NALF2: variants seen among roughly 807,000 people sequenced by gnomAD.
The protein encoded by NALF2 is NALCN channel auxiliary factor 2, also known as bB57D9.1 (TED protein).
NALF2 carries 1 observed loss-of-function variant against 24.8 expected under a neutral mutation model. The ratio of observed to expected loss-of-function variants is 0.04; its 90% CI spans 0.01 to 0.19. The LOEUF is 0.19. Ranked by LOEUF, NALF2 falls within the 10% of genes least tolerant of loss-of-function variation. The probability of loss-of-function intolerance (pLI) is 1.00; values close to 1 mark genes in which losing one functional copy is unlikely to be tolerated. For synonymous variants in NALF2, 254 were observed against 189.8 expected (o/e 1.34, Z -2.78); for missense variants, 458 against 409.6 (o/e 1.12, Z -1.02).
At chrX:69,511,512 A>G (rs772551596) in intron 1 of NALF2, among the ~76,000 whole-genome samples, 8 of 111,841 alleles carry the variant, frequency 7.2e-5, no homozygotes, top group Admixed American at 3.8e-4. Flanking sequence ...ACACACAGAC[A>G]CACATTCATA....
Position 69,518,130 on chromosome X carries a change from G to A in NALF2, c.862-10863G>A, listed in dbSNP as rs1930688021. On this transcript the variant is annotated intron_variant, in intron 1 of 2. Transcript: ENST00000252338. Reference sequence around the variant, plus strand: ...CCCTCGTCTCATCTTAGTCCTCTGTGTGGCTATGGGACCCCTCATTAGCTC... The same window carrying A: ...CCCTCGTCTCATCTTAGTCCTCTGTATGGCTATGGGACCCCTCATTAGCTC... Among the ~76,000 whole-genome samples the A allele has an allele frequency of 2.7e-5, 3 of 111,651 alleles. No individual in the cohort carries two copies. In the Admixed American group the frequency reaches 2.8e-4, roughly 11 times the overall value.
Position 69,530,231 on chromosome X carries a change from AAGGG to A in NALF2, c.*279_*282del. On this transcript the variant is annotated 3_prime_UTR_variant, in exon 3 of 3. Coordinates refer to ENST00000252338, the MANE Select transcript of NALF2 (RefSeq NM_015686.3). ...TCCCATCTATGGGGCTTAGCAAAAAAAGGGAGGAAGTGGGGGCTGGATATGCCCA... is the reference window on the plus strand; with the variant it reads ...TCCCATCTATGGGGCTTAGCAAAAAAAGGAAGTGGGGGCTGGATATGCCCA... The A allele has an allele frequency of 3.4e-6, 1 of 290,674 alleles. No homozygotes were observed. The allele number at this position is 290,674 out of a possible 1,213,427, so 24.0% of individuals were successfully genotyped here. A position where few individuals can be genotyped will look rare whatever the true frequency, so the allele number is the denominator to read the frequency against.
In NALF2 at chrX:69,505,169, G is replaced by C. The variant is rs1930437851; in HGVS notation, c.-114G>C. Reference sequence around the variant, plus strand: ...CGGCCTGCCTCACCATGCAGCCCCCGAGGTAGAGCCTGGACGGCGCCGAGG... The same window carrying C: ...CGGCCTGCCTCACCATGCAGCCCCCCAGGTAGAGCCTGGACGGCGCCGAGG... On this transcript the variant is annotated 5_prime_UTR_variant, in exon 1 of 3. Coordinates refer to ENST00000252338, the MANE Select transcript of NALF2 (RefSeq NM_015686.3). 1.3e-6 allele frequency: 1 copy of C among 755,498 alleles called. No homozygotes were observed. The allele number at this position is 755,498 out of a possible 1,213,427, so 62.3% of individuals were successfully genotyped here. A position where few individuals can be genotyped will look rare whatever the true frequency, so the allele number is the denominator to read the frequency against.
chrX:69,528,398 A>G (rs1343997592), intron 1 of NALF2, among the ~76,000 whole-genome samples: 74 of 111,865 alleles, frequency 6.6e-4, no homozygotes, highest in Non-Finnish European at 1.7e-4. Context: ...TTGCCTGGTA[A>G]GGCAGGTTCC....
At position 69,505,496 on chromosome X, in the gene NALF2, A is replaced by AGGGACCGGGCCC. The variant is rs1930450997; in HGVS notation, c.218_219insCCGGGCCCGGGA (p.Arg72_Glu73insAspArgAlaArg). 5.1e-5 allele frequency: 55 copies of AGGGACCGGGCCC among 1,079,560 alleles called. No homozygotes were observed. Among genetic ancestry groups the AGGGACCGGGCCC allele is most frequent in the Non-Finnish European group, 6.2e-5 (52 of 836,152 alleles). The allele number at this position is 1,079,560 out of a possible 1,213,427, so 89.0% of individuals were successfully genotyped here. Reference sequence around the variant, plus strand: ...GTGCGCGGGGGCCCGGCCCCGGGCCAGGGAGCTGAGCAGCGCCATGCGGCC... The same window carrying AGGGACCGGGCCC: ...GTGCGCGGGGGCCCGGCCCCGGGCCAGGGACCGGGCCCGGGAGCTGAGCAGCGCCATGCGGCC... On this transcript the variant is annotated inframe_insertion, in exon 1 of 3. Transcript: ENST00000252338.
chrX:69,505,996 G>C lies in NALF2; in HGVS notation c.714G>C (p.Gly238=), dbSNP rs773625287. Residue 238 remains glycine (G), a synonymous_variant, in exon 1 of 3, where the codon GGG becomes GGC. Coordinates refer to ENST00000252338, the MANE Select transcript of NALF2 (RefSeq NM_015686.3). ...LLAVVASPGS[G]AWEACSNCIE... ...CCGTGGTGGCCAGCCCGGGCTCCGG[G>C]GCCTGGGAGGCGTGTAGCAACTGTA... 8 of 1,209,916 alleles carry C rather than the reference G, an allele frequency of 6.6e-6. No individual in the cohort carries two copies. Among genetic ancestry groups the C allele is most frequent in the Non-Finnish European group, 8.9e-6 (8 of 895,078 alleles).
In NALF2 at chrX:69,532,499, T is replaced by A. The variant is rs1024293675; in HGVS notation, c.*2543T>A. ...CCCATAAAGAAATAAATGGTAAGAC[T>A]TGATGATAACCCTCCCTTCATGGCT... On this transcript the variant is annotated 3_prime_UTR_variant, in exon 3 of 3. Coordinates refer to ENST00000252338, the MANE Select transcript of NALF2 (RefSeq NM_015686.3). 2 of 111,861 alleles carry A rather than the reference T, an allele frequency of 1.8e-5. No homozygotes were observed. Among genetic ancestry groups the A allele is most frequent in the Non-Finnish European group, 3.8e-5 (2 of 53,201 alleles). The allele number at this position is 111,861 out of a possible 1,213,427, so 9.2% of individuals were successfully genotyped here.
chrX:69,526,736 T>G (rs1384299513), intron 1 of NALF2, among the ~76,000 whole-genome samples: 1 of 109,915 alleles, frequency 9.1e-6, no homozygotes, highest in Non-Finnish European at 1.9e-5. Context: ...ACCTGAAAAG[T>G]GAGAATGACC....
intron 1 of NALF2, among the ~76,000 whole-genome samples, chrX:69,523,563 C>T (rs1197045235): frequency 3.6e-5 from 4 of 111,674 alleles, no homozygotes; most frequent in Non-Finnish European, 5.7e-5. Flanking sequence ...TTGGTGTTCC[C>T]TCTAGTTATT....
intron 1 of NALF2, among the ~76,000 whole-genome samples, chrX:69,525,808 C>T (rs1335708238): frequency 1.9e-5 from 2 of 107,790 alleles, no homozygotes; most frequent in Admixed American, 2.0e-4. Context: ...ACTATTCCTA[C>T]CATTCCTTAC....
chrX:69,515,073 T>C (rs1930643408), intron 1 of NALF2, among the ~76,000 whole-genome samples: 1 of 112,536 alleles, frequency 8.9e-6, no homozygotes, highest in African/African-American at 3.2e-5. Flanking sequence ...AGAACGATTC[T>C]TTTTTACGAA....
chrX:69,505,290 G>C lies in NALF2; in HGVS notation c.8G>C (p.Arg3Thr), dbSNP rs1930443321. The change falls in exon 1 of 3, where the codon AGG (arginine) becomes ACG (threonine). Residue 3 changes from arginine to threonine, a missense_variant. Physicochemically the swap from Arg to Thr is moderately conservative, Grantham distance 71 (BLOSUM62 -1). Coordinates refer to ENST00000252338, the MANE Select transcript of NALF2 (RefSeq NM_015686.3). ...CCCGGACCCCCCTGAAATATGTTCA[G>C]GGGCGCTTGGATGTGGCCCGGGAAA... MF[R>T]GAWMWPGKDA... is the part of the protein sequence containing the mutation. 3.5e-6 allele frequency: 4 copies of C among 1,153,866 alleles called. No individual in the cohort carries two copies. Among genetic ancestry groups the C allele is most frequent in the Non-Finnish European group, 4.6e-6 (4 of 867,032 alleles).
In NALF2 at chrX:69,532,274, T is replaced by C. The variant is rs1158345500; in HGVS notation, c.*2318T>C. On this transcript the variant is annotated 3_prime_UTR_variant, in exon 3 of 3. Coordinates refer to ENST00000252338, the MANE Select transcript of NALF2 (RefSeq NM_015686.3). ...ACACTGTGCTTCATGAGTAGGACTT[T>C]CTTGCACTAGTTCCTATGACTGAGT... The C allele has an allele frequency of 8.9e-6, 1 of 112,514 alleles. No individual in the cohort carries two copies. The highest frequency in any genetic ancestry group is 1.9e-5 in the Non-Finnish European group (1 of 53,206). The allele number at this position is 112,514 out of a possible 1,213,427, so 9.3% of individuals were successfully genotyped here.
chrX:69,510,427 A>T (rs989877445), intron 1 of NALF2, among the ~76,000 whole-genome samples: 1 of 112,307 alleles, frequency 8.9e-6, no homozygotes, highest in Non-Finnish European at 1.9e-5. Context: ...TTTCCTGCCA[A>T]GCAGGACTCC....
chrX:69,506,447 T>A (rs941004188), intron 1 of NALF2, among the ~76,000 whole-genome samples: 4 of 112,926 alleles, frequency 3.5e-5, no homozygotes, highest in African/African-American at 1.3e-4. Flanking sequence ...GACAATGAGG[T>A]GGCAGGAGGG....
At chrX:69,526,763 A>T (rs908951341) in intron 1 of NALF2, among the ~76,000 whole-genome samples, 3 of 111,406 alleles carry the variant, frequency 2.7e-5, no homozygotes, top group Non-Finnish European at 5.7e-5. Context: ...TGTCAAGAGT[A>T]GGGGGAAGAG....
chrX:69,523,336 T>G (rs1481839746), intron 1 of NALF2, among the ~76,000 whole-genome samples: 1 of 112,126 alleles, frequency 8.9e-6, no homozygotes, highest in African/African-American at 3.2e-5. Flanking sequence ...TGTAAAAGTC[T>G]TCTTTCTAGA....
At chrX:69,507,416 C>T (rs1162226127) in intron 1 of NALF2, among the ~76,000 whole-genome samples, 1 of 111,205 alleles carries the variant, frequency 9.0e-6, no homozygotes, top group Non-Finnish European at 1.9e-5. Flanking sequence ...CTAGCAGTCT[C>T]CCTCCCGCCT....
intron 1 of NALF2, among the ~76,000 whole-genome samples, chrX:69,510,712 C>T (rs2147710586): frequency 8.9e-6 from 1 of 111,970 alleles, no homozygotes; most frequent in South Asian, 3.8e-4. Flanking sequence ...TCCAGATCCA[C>T]AGAAGCTCAT....
Sources: allele counts gnomAD v4.1 joint callset (sites outside exome capture counted in the v4.1 genomes callset), GRCh38; gene constraint gnomAD v4.1.1; transcripts MANE v1.5; gene names NCBI Gene and HGNC (gene_info 2026-07-23, HGNC 2026-07-21).